SLC35F4: variants seen among roughly 807,000 people sequenced by gnomAD.
SLC35F4 encodes the protein chromosome 14 open reading frame 36.
SLC35F4 carries 24 observed loss-of-function variants against 44.2 expected under a neutral mutation model. The ratio of observed to expected loss-of-function variants is 0.54; its 90% confidence interval spans 0.39 to 0.76. The LOEUF (loss-of-function observed/expected upper bound fraction) is 0.76, where lower values mean the gene tolerates loss of function less well. Among genes scored for constraint, SLC35F4 ranks in the 30% least tolerant of loss-of-function variants. The probability of loss-of-function intolerance (pLI) is 0.00; values close to 1 mark genes in which losing one functional copy is unlikely to be tolerated. For missense variants in SLC35F4, 562 were observed against 586.1 expected, an observed-to-expected ratio of 0.96 and a Z score of 0.42; for synonymous variants, 238 against 223.6, an observed-to-expected ratio of 1.06 and a Z score of -0.57.
At chr14:57,608,786 C>T (rs922744786) in intron 1 of SLC35F4, among the ~76,000 whole-genome samples, 1 of 14,658 alleles carries the variant, frequency 6.8e-5, no homozygotes, top group Non-Finnish European at 2.7e-4. Context: ...CAAAAGATGG[C>T]CGGGGGGGGG....
chr14:57,797,561 C>T (rs1032789541), intron 1 of SLC35F4, among the ~76,000 whole-genome samples: 2 of 152,136 alleles, frequency 1.3e-5, no homozygotes, highest in Admixed American at 6.5e-5. Flanking sequence ...TCTGAAGTAC[C>T]TTCCAGCTCA....
intron 1 of SLC35F4, among the ~76,000 whole-genome samples, chr14:57,614,315 G>A (rs951257900): frequency 6.6e-6 from 1 of 152,186 alleles, no homozygotes; most frequent in African/African-American, 2.4e-5. Flanking sequence ...AATTACTGGA[G>A]GGGATCTTCA....
intron 1 of SLC35F4, among the ~76,000 whole-genome samples, chr14:57,664,216 G>A (rs929530288): frequency 6.6e-6 from 1 of 152,128 alleles, no homozygotes; most frequent in African/African-American, 2.4e-5. Flanking sequence ...CTGATGTTCA[G>A]CAACTACATT....
chr14:57,618,085 C>A (rs556637581), intron 1 of SLC35F4, among the ~76,000 whole-genome samples: 37 of 152,202 alleles, frequency 2.4e-4, no homozygotes, highest in African/African-American at 8.7e-4. Flanking sequence ...AAGAGAACGT[C>A]TTAAAACTAG....
chr14:57,825,348 A>C lies in SLC35F4; in HGVS notation c.103+40375T>G, dbSNP rs77370949. 3.8e-4 allele frequency among the ~76,000 whole-genome samples: 58 copies of C among 152,302 alleles called. No homozygotes were observed. In the East Asian group the frequency reaches 0.01, roughly 27 times the overall value. The stretch of plus-strand genomic sequence containing the variant: ...GAGAAGGTTGAAAGCAGAGTAAATG[A>C]TGAATGAAGATAAGTGGAGGACTTA... On this transcript the variant is annotated intron_variant, in intron 1 of 7. Transcript: ENST00000556826.
chr14:57,730,864 G>A (rs1192159233), intron 1 of SLC35F4, among the ~76,000 whole-genome samples: 1 of 152,140 alleles, frequency 6.6e-6, no homozygotes, highest in Non-Finnish European at 1.5e-5. Flanking sequence ...GAAGAGACCA[G>A]TTTCCTTTTA....
At chr14:57,930,810 C>G (rs909445632) in intron 1 of SLC35F4, among the ~76,000 whole-genome samples, 1 of 152,148 alleles carries the variant, frequency 6.6e-6, no homozygotes, top group Admixed American at 6.5e-5. Context: ...AGAGGTAGCT[C>G]TTGACTCATG....
At chr14:57,666,707 C>G (rs2074320641) in intron 1 of SLC35F4, among the ~76,000 whole-genome samples, 1 of 146,946 alleles carries the variant, frequency 6.8e-6, no homozygotes, top group Non-Finnish European at 1.5e-5. Context: ...AAAAAAGGAA[C>G]TTCTTTTTTT....
chr14:57,799,797 G>A (rs2078146921), intron 1 of SLC35F4, among the ~76,000 whole-genome samples: 1 of 152,152 alleles, frequency 6.6e-6, no homozygotes, highest in Non-Finnish European at 1.5e-5. Context: ...TCACTGGGTG[G>A]GACCTTCCCA....
At chr14:57,865,235 C>A (rs1888038768) in intron 1 of SLC35F4, among the ~76,000 whole-genome samples, 1 of 152,186 alleles carries the variant, frequency 6.6e-6, no homozygotes, top group Non-Finnish European at 1.5e-5. Flanking sequence ...CGAGCTGACC[C>A]CACCAGCGCC....
At chr14:57,766,580 C>A (rs1400038014) in intron 1 of SLC35F4, among the ~76,000 whole-genome samples, 2 of 152,188 alleles carry the variant, frequency 1.3e-5, no homozygotes, top group East Asian at 3.8e-4. Flanking sequence ...AACTGGGGGA[C>A]ATTTGTGAGC....
At chr14:57,838,817 A>G (rs907750253) in intron 1 of SLC35F4, among the ~76,000 whole-genome samples, 4 of 152,224 alleles carry the variant, frequency 2.6e-5, no homozygotes, top group African/African-American at 7.2e-5. Flanking sequence ...ATATTTGTAA[A>G]GCAAAAGGCA....
chr14:57,778,722 TA>T (rs2077550724), intron 1 of SLC35F4, among the ~76,000 whole-genome samples: 1 of 151,016 alleles, frequency 6.6e-6, no homozygotes, highest in African/African-American at 2.4e-5. Flanking sequence ...CAATCAGATA[TA>T]AAACAATGCT....
At chr14:57,869,188 C>T (rs1003410699), upstream of SLC35F4, among the ~76,000 whole-genome samples, 9 of 148,914 alleles carry the variant, frequency 6.0e-5, no homozygotes, top group South Asian at 2.1e-4. Context: ...TAGGTATTCA[C>T]GTGTTGTGGT....
rs1280779559 is a variant in SLC35F4, at chr14:57,566,565, C to T, written c.1127-1G>A. ...CCAACATTCACCAGGATGTTGAAGG[C>T]TGTAAAATAGAGGAGGAAATGCAAG... On this transcript the variant is annotated splice_acceptor_variant, in intron 6 of 7. Coordinates refer to ENST00000556826, the MANE Select transcript of SLC35F4 (RefSeq NM_001306087.2). LOFTEE classifies it high-confidence loss of function. 1 of 1,593,550 alleles carries T rather than the reference C, an allele frequency of 6.3e-7. No individual in the cohort carries two copies. Among genetic ancestry groups the T allele is most frequent in the Non-Finnish European group, 8.5e-7 (1 of 1,169,658 alleles).
intron 1 of SLC35F4, among the ~76,000 whole-genome samples, chr14:57,907,607 C>T (rs1221548588): frequency 1.3e-5 from 2 of 152,104 alleles, no homozygotes; most frequent in South Asian, 4.1e-4. Context: ...ATTTGAGGGG[C>T]ATAGGTTAAT....
chr14:57,835,527 A>G (rs1481981275), intron 1 of SLC35F4, among the ~76,000 whole-genome samples: 4 of 152,128 alleles, frequency 2.6e-5, no homozygotes, highest in Non-Finnish European at 5.9e-5. Flanking sequence ...GCTCTTTCTC[A>G]TTGTCAGCAG....
At chr14:57,931,785 T>C (rs1889701998) in intron 1 of SLC35F4, among the ~76,000 whole-genome samples, 1 of 152,196 alleles carries the variant, frequency 6.6e-6, no homozygotes, top group Admixed American at 6.5e-5. Context: ...TGTCCTTACA[T>C]TAAATGAAGC....
At chr14:57,606,155 CAAAACT>C (rs904907268) in intron 1 of SLC35F4, among the ~76,000 whole-genome samples, 21 of 152,206 alleles carry the variant, frequency 1.4e-4, no homozygotes, top group African/African-American at 5.1e-4. Context: ...ATGAAGAAAA[CAAAACT>C]AAAAGTGCTT....
Sources: gnomAD v4.1 joint callset for allele counts (sites outside exome capture counted in the v4.1 genomes callset) on GRCh38, gnomAD v4.1.1 for gene constraint, MANE v1.5 for transcripts, NCBI Gene and HGNC (gene_info 2026-07-23, HGNC 2026-07-21) for gene names.